The following QTMAN variants were observed in gnomAD, a reference collection of about 807,000 sequenced individuals.
QTMAN encodes the protein tRNA-queuosine alpha-mannosyltransferase.
At chr2:144,047,662 A>G in the QTMAN span, among the ~76,000 whole-genome samples, 1 of 152,214 alleles carries the variant, frequency 6.6e-6, no homozygotes, top group African/African-American at 2.4e-5. Flanking sequence ...GTGCAAGTGG[A>G]TATTTGCTGC....
the QTMAN span, among the ~76,000 whole-genome samples, chr2:144,092,885 G>C: frequency 2.6e-5 from 4 of 151,310 alleles, no homozygotes; most frequent in African/African-American, 9.7e-5. Flanking sequence ...GTGTGTGTGT[G>C]TGTGTGTGTG....
chr2:144,219,855 C>A, the QTMAN span, among the ~76,000 whole-genome samples: 1 of 152,070 alleles, frequency 6.6e-6, no homozygotes, highest in African/African-American at 2.4e-5. Context: ...ATAAAAGCTG[C>A]ATCAGTTAAC....
the QTMAN span, among the ~76,000 whole-genome samples, chr2:144,138,340 G>C: frequency 6.6e-6 from 1 of 151,920 alleles, no homozygotes; most frequent in African/African-American, 2.4e-5. Context: ...GAAGGAACAA[G>C]TATAAACAAC....
At chr2:143,956,867 C>T in the QTMAN span, among the ~76,000 whole-genome samples, 1 of 152,008 alleles carries the variant, frequency 6.6e-6, no homozygotes, top group Non-Finnish European at 1.5e-5. Context: ...AGAATCCACA[C>T]AGTATGTTCC....
the QTMAN span, among the ~76,000 whole-genome samples, chr2:144,131,031 A>G: frequency 6.6e-6 from 1 of 152,006 alleles, no homozygotes; most frequent in Admixed American, 6.6e-5. Flanking sequence ...AGTTTTTATC[A>G]ATCAGTAATA....
the QTMAN span, among the ~76,000 whole-genome samples, chr2:144,301,288 T>C: frequency 1.8e-3 from 269 of 152,298 alleles, 2 homozygotes; most frequent in Middle Eastern, 0.01. Flanking sequence ...AGTAGCATGA[T>C]CTCAGCTTAC....
the QTMAN span, among the ~76,000 whole-genome samples, chr2:144,167,162 T>C: frequency 2.0e-5 from 3 of 152,222 alleles, no homozygotes; most frequent in Admixed American, 1.3e-4. Context: ...TTGATAAGTA[T>C]TAATTTAATG....
chr2:144,007,016 T>C, the QTMAN span: 2 of 504,626 alleles, frequency 4.0e-6, no homozygotes, highest in Non-Finnish European at 6.9e-6. Flanking sequence ...ACCATTCATG[T>C]GAAGATATTT....
the QTMAN span, among the ~76,000 whole-genome samples, chr2:144,171,090 T>C: frequency 6.6e-6 from 1 of 152,176 alleles, no homozygotes; most frequent in Non-Finnish European, 1.5e-5. Flanking sequence ...TTTCTTCATC[T>C]TGAAAGTGAA....
At chr2:144,148,220 G>GA in the QTMAN span, among the ~76,000 whole-genome samples, 1 of 151,760 alleles carries the variant, frequency 6.6e-6, no homozygotes, top group Non-Finnish European at 1.5e-5. Context: ...TTATTTAGAT[G>GA]TGAAATGCCA....
At chr2:144,231,188 GGGAAGA>G in the QTMAN span, among the ~76,000 whole-genome samples, 2 of 152,046 alleles carry the variant, frequency 1.3e-5, no homozygotes, top group Non-Finnish European at 2.9e-5. Flanking sequence ...ATATGGTTAA[GGGAAGA>G]TTACTCATTT....
chr2:143,981,669 T>C, the QTMAN span, among the ~76,000 whole-genome samples: 4 of 152,330 alleles, frequency 2.6e-5, no homozygotes, highest in East Asian at 3.9e-4. Context: ...CTGTGTTTTT[T>C]TGGCTGACAC....
At chr2:144,281,048 T>C in the QTMAN span, among the ~76,000 whole-genome samples, 2 of 134,510 alleles carry the variant, frequency 1.5e-5, no homozygotes, top group African/African-American at 2.8e-5. Flanking sequence ...CCTAATGCTA[T>C]CCCTCCCCCC....
chr2:143,951,910 G>A, the QTMAN span: 1 of 757,704 alleles, frequency 1.3e-6, no homozygotes, highest in Non-Finnish European at 2.3e-6. Flanking sequence ...TTAATTAAAT[G>A]TTTTTTTTTA....
the QTMAN span, among the ~76,000 whole-genome samples, chr2:143,979,286 TA>T: frequency 2.0e-5 from 3 of 151,850 alleles, no homozygotes; most frequent in African/African-American, 7.3e-5. Flanking sequence ...AAACAGACTT[TA>T]AAAAAAGAAG....
the QTMAN span, among the ~76,000 whole-genome samples, chr2:144,021,489 A>G: frequency 6.6e-6 from 1 of 152,182 alleles, no homozygotes; most frequent in Non-Finnish European, 1.5e-5. Flanking sequence ...AATCCAGGAC[A>G]TAGTTGACCC....
At chr2:144,029,708 T>G in the QTMAN span, among the ~76,000 whole-genome samples, 1 of 152,302 alleles carries the variant, frequency 6.6e-6, no homozygotes, top group African/African-American at 2.4e-5. Flanking sequence ...TAGACACCAG[T>G]ATCAAAATTT....
chr2:144,105,255 G>A, the QTMAN span, among the ~76,000 whole-genome samples: 1 of 152,218 alleles, frequency 6.6e-6, no homozygotes, highest in Non-Finnish European at 1.5e-5. Flanking sequence ...GCTGGACGGA[G>A]AATGACTTTG....
chr2:144,120,723 T>C, the QTMAN span, among the ~76,000 whole-genome samples: 12 of 152,190 alleles, frequency 7.9e-5, no homozygotes, highest in African/African-American at 2.9e-4. Flanking sequence ...TCAGGAAGTA[T>C]TAGGGAGATG....
Sources: allele counts gnomAD v4.1 joint callset (sites outside exome capture counted in the v4.1 genomes callset), GRCh38; gene constraint gnomAD v4.1.1; transcripts MANE v1.5; gene names NCBI Gene and HGNC (gene_info 2026-07-23, HGNC 2026-07-21).